The following NTNG1 variants were observed in gnomAD, a reference collection of about 807,000 sequenced individuals.
NTNG1 encodes the protein netrin G1.
Under a neutral mutation model 54.0 loss-of-function variants are expected in NTNG1, and 16 were observed. The observed-to-expected ratio is 0.30, with a 90% CI of 0.20 to 0.45. The LOEUF is 0.45. NTNG1 is among the 20% of genes least tolerant of loss of function. The pLI is 1.00. For missense variants in NTNG1, 530 were observed against 678.7 expected (o/e 0.78, Z 2.43); for synonymous variants, 255 against 263.1 (o/e 0.97, Z 0.30).
chr1:107,264,249 G>C (rs1222576897), intron 2 of NTNG1, among the ~76,000 whole-genome samples: 1 of 152,048 alleles, frequency 6.6e-6, no homozygotes, highest in Non-Finnish European at 1.5e-5. Context: ...CATTTTTGTA[G>C]CCATTGCTCT....
chr1:107,467,697 T>C (rs945007105), intron 7 of NTNG1, among the ~76,000 whole-genome samples: 1 of 152,238 alleles, frequency 6.6e-6, no homozygotes, highest in African/African-American at 2.4e-5. Flanking sequence ...CAATGTGAGT[T>C]ACAATAGTCA....
intron 7 of NTNG1, among the ~76,000 whole-genome samples, chr1:107,452,993 G>A (rs1051676838): frequency 3.3e-5 from 5 of 152,122 alleles, no homozygotes; most frequent in Non-Finnish European, 5.9e-5. Context: ...TCTAGAGAGT[G>A]CCTGAGGCCC....
chr1:107,398,031 A>G (rs1333705639), intron 4 of NTNG1, among the ~76,000 whole-genome samples: 1 of 152,060 alleles, frequency 6.6e-6, no homozygotes, highest in Non-Finnish European at 1.5e-5. Context: ...TCAGTTATCT[A>G]TGAGGGATAC....
intron 3 of NTNG1, among the ~76,000 whole-genome samples, chr1:107,351,196 T>C (rs990756917): frequency 1.3e-5 from 2 of 152,324 alleles, no homozygotes; most frequent in South Asian, 4.1e-4. Flanking sequence ...CTTTCTTAGC[T>C]TCTTCAAAAT....
chr1:107,393,978 A>T (rs1476244881), intron 3 of NTNG1, among the ~76,000 whole-genome samples: 2 of 151,956 alleles, frequency 1.3e-5, no homozygotes, highest in African/African-American at 4.8e-5. Flanking sequence ...GATTTTCTAT[A>T]TTTTTGTCCT....
chr1:107,452,053 C>T lies in NTNG1; in HGVS notation c.1390+15254C>T, dbSNP rs114155503. ...TTGTTGAAAAAATTATATAACTTCT[C>T]TGACCTAAGATTTCACTTCTCTAAA... On this transcript the variant is annotated intron_variant, in intron 7 of 7. Coordinates refer to ENST00000370068, the MANE Select transcript of NTNG1 (RefSeq NM_001113226.3). 4.3e-3 allele frequency among the ~76,000 whole-genome samples: 656 copies of T among 152,294 alleles called. 9 individuals carry two copies. The highest frequency in any genetic ancestry group is 0.015 in the African/African-American group (629 of 41,560).
At chr1:107,225,247 A>G (rs1192629361) in intron 2 of NTNG1, among the ~76,000 whole-genome samples, 1 of 152,166 alleles carries the variant, frequency 6.6e-6, no homozygotes, top group Non-Finnish European at 1.5e-5. Flanking sequence ...GATTTTGGAT[A>G]GGTGCTCTCT....
At chr1:107,462,094 G>C (rs144554263) in intron 7 of NTNG1, among the ~76,000 whole-genome samples, 61 of 152,248 alleles carry the variant, frequency 4.0e-4, no homozygotes, top group African/African-American at 1.4e-3. Context: ...TGCCTTTGCT[G>C]AAAAAGTGTT....
intron 7 of NTNG1, among the ~76,000 whole-genome samples, chr1:107,467,245 C>T (rs369358190): frequency 8.6e-5 from 13 of 151,718 alleles, no homozygotes; most frequent in African/African-American, 2.2e-4. Context: ...TAGGAGTGAA[C>T]GATGATTTTT....
At position 107,324,692 on chromosome 1, in the gene NTNG1, A is replaced by C; in HGVS notation, c.657A>C (p.Lys219Asn). 1.9e-6 allele frequency: 3 copies of C among 1,613,638 alleles called. No individual in the cohort carries two copies. Among genetic ancestry groups the C allele is most frequent in the Non-Finnish European group, 2.5e-6 (3 of 1,179,802 alleles). The part of the protein sequence containing the change: ...EYSTGYTTNS[K>N]IIHFEIKDRF... ...CAACAGGGTATACAACAAATAGCAA[A>C]ATAATCCACTTTGAAATCAAAGACA... The change falls in exon 3 of 8, where the codon AAA (lysine) becomes AAC (asparagine). Residue 219 changes from lysine to asparagine, a missense_variant. Coordinates refer to ENST00000370068, the MANE Select transcript of NTNG1 (RefSeq NM_001113226.3).
chr1:107,353,570 T>A (rs1270068800), intron 3 of NTNG1, among the ~76,000 whole-genome samples: 1 of 152,164 alleles, frequency 6.6e-6, no homozygotes, highest in Non-Finnish European at 1.5e-5. Flanking sequence ...AGTTCCAAAC[T>A]TTCCCTCATC....
chr1:107,396,639 A>C (rs560196542), intron 4 of NTNG1, among the ~76,000 whole-genome samples: 30 of 152,102 alleles, frequency 2.0e-4, no homozygotes, highest in Non-Finnish European at 3.1e-4. Flanking sequence ...TTTGAAAGGG[A>C]TCTTGCAAGG....
At position 107,222,799 on chromosome 1, in the gene NTNG1, C is replaced by CTT. The variant is rs113401472; in HGVS notation, c.246+73981_246+73982dup. 7.4e-3 allele frequency among the ~76,000 whole-genome samples: 811 copies of CTT among 108,966 alleles called. 15 individuals are homozygous for CTT. The highest frequency in any genetic ancestry group is 0.024 in the African/African-American group (654 of 27,556). 71.5% of individuals were successfully genotyped at this position (108,966 alleles called of 152,430 possible). A position where few individuals can be genotyped will look rare whatever the true frequency, so the allele number is the denominator to read the frequency against. On this transcript the variant is annotated intron_variant, in intron 2 of 7. Coordinates refer to ENST00000370068, the MANE Select transcript of NTNG1 (RefSeq NM_001113226.3). Reference sequence around the variant, plus strand: ...CTAGAGAAAGGGAAGACCAGTGCTGCTTTTTTTTTTTTTTTTTTTTTTGGA... The same window carrying CTT: ...CTAGAGAAAGGGAAGACCAGTGCTGCTTTTTTTTTTTTTTTTTTTTTTTTGGA...
At chr1:107,471,548 C>A (rs1213480201) in intron 7 of NTNG1, among the ~76,000 whole-genome samples, 3 of 152,180 alleles carry the variant, frequency 2.0e-5, no homozygotes, top group African/African-American at 7.2e-5. Flanking sequence ...GGAAACACAG[C>A]TTATTTATGT....
intron 7 of NTNG1, among the ~76,000 whole-genome samples, chr1:107,453,248 A>G (rs1305896277): frequency 1.3e-5 from 2 of 152,208 alleles, no homozygotes; most frequent in Non-Finnish European, 2.9e-5. Context: ...TGTGGAGGCA[A>G]AGGAAGTCTT....
intron 2 of NTNG1, among the ~76,000 whole-genome samples, chr1:107,316,960 C>A (rs112107196): frequency 5.3e-4 from 81 of 152,286 alleles, no homozygotes; most frequent in African/African-American, 1.8e-3. Flanking sequence ...GAAGTGCCAC[C>A]GTAGGAAGGT....
At chr1:107,205,244 A>G (rs1305835103) in intron 2 of NTNG1, among the ~76,000 whole-genome samples, 4 of 152,192 alleles carry the variant, frequency 2.6e-5, no homozygotes, top group African/African-American at 9.6e-5. Context: ...TTATAGCTTC[A>G]GAGACTTCTG....
intron 2 of NTNG1, among the ~76,000 whole-genome samples, chr1:107,211,701 A>C (rs114183842): frequency 1.3e-5 from 2 of 152,160 alleles, no homozygotes; most frequent in Non-Finnish European, 2.9e-5. Context: ...ATGTCTGCTT[A>C]ATTACTTGAA....
intron 2 of NTNG1, among the ~76,000 whole-genome samples, chr1:107,296,444 A>G (rs1665945349): frequency 6.6e-6 from 1 of 151,932 alleles, no homozygotes; most frequent in Non-Finnish European, 1.5e-5. Context: ...GGAAAAAGAC[A>G]GTTTTTAATC....
Sources: allele counts gnomAD v4.1 joint callset (sites outside exome capture counted in the v4.1 genomes callset), GRCh38; gene constraint gnomAD v4.1.1; transcripts MANE v1.5; gene names NCBI Gene and HGNC (gene_info 2026-07-23, HGNC 2026-07-21).